CCDC69: variants seen among roughly 807,000 people sequenced by gnomAD.
The protein encoded by CCDC69 is coiled-coil domain-containing protein 69.
A neutral mutation model predicts 40.3 loss-of-function variants in CCDC69; 38 were observed. That is an observed-to-expected ratio of 0.94 (90% CI 0.73 to 1.24). The LOEUF (loss-of-function observed/expected upper bound fraction) is 1.24, where lower values mean the gene tolerates loss of function less well. Ranked by LOEUF, CCDC69 falls within the 50% of genes most tolerant of loss-of-function variation. The pLI is 0.00. For missense variants in CCDC69, 389 were observed against 357.9 expected, an observed-to-expected ratio of 1.09 and a Z score of -0.70; for synonymous variants, 141 against 138.9, an observed-to-expected ratio of 1.02 and a Z score of -0.11.
In CCDC69 at chr5:151,224,002, C is replaced by G. The variant is rs749600357; in HGVS notation, c.-32G>C. The G allele has an allele frequency of 6.5e-7, 1 of 1,543,538 alleles. No homozygotes were observed. Among genetic ancestry groups the G allele is most frequent in the South Asian group, 1.2e-5 (1 of 83,838 alleles). ...CCGGGGGCTCCCGGACGCCGCTTCC[C>G]AACTCCGGGGCCCCCAGAGGAGCCT... On this transcript the variant is annotated 5_prime_UTR_variant, in exon 1 of 9. Coordinates refer to ENST00000355417, the MANE Select transcript of CCDC69 (RefSeq NM_015621.3).
At chr5:151,219,450 G>T (rs1753105282) in intron 1 of CCDC69, among the ~76,000 whole-genome samples, 1 of 152,120 alleles carries the variant, frequency 6.6e-6, no homozygotes, top group Admixed American at 6.6e-5. Context: ...TACCAGGGTA[G>T]GAGTGCAGAC....
At chr5:151,196,179 T>A (rs1485315926) in intron 4 of CCDC69, among the ~76,000 whole-genome samples, 1 of 152,116 alleles carries the variant, frequency 6.6e-6, no homozygotes, top group Non-Finnish European at 1.5e-5. Flanking sequence ...TTAGATGGAG[T>A]CTTGCTCTGT....
intron 1 of CCDC69, among the ~76,000 whole-genome samples, chr5:151,213,868 C>T (rs1752992937): frequency 6.6e-6 from 1 of 152,166 alleles, no homozygotes; most frequent in Non-Finnish European, 1.5e-5. Context: ...CCTCCGTGTC[C>T]CATACATCAC....
At position 151,186,009 on chromosome 5, in the gene CCDC69, G is replaced by C. The variant is rs1752503904; in HGVS notation, c.495+14C>G. 6.3e-7 allele frequency: 1 copy of C among 1,589,652 alleles called. No homozygotes were observed. Among genetic ancestry groups the C allele is most frequent in the South Asian group, 1.1e-5 (1 of 90,568 alleles). On this transcript the variant is annotated intron_variant, in intron 6 of 8. Coordinates refer to ENST00000355417, the MANE Select transcript of CCDC69 (RefSeq NM_015621.3). ...GATTCAAGGAGGAAAAGCGCCCAGG[G>C]TGCTGCCACCTACCTGGATATGTTT...
intron 3 of CCDC69, among the ~76,000 whole-genome samples, chr5:151,200,298 T>C (rs1752759225): frequency 6.6e-6 from 1 of 152,082 alleles, no homozygotes; most frequent in Non-Finnish European, 1.5e-5. Context: ...GCCACCAGGC[T>C]GGGCTAATTT....
intron 5 of CCDC69, among the ~76,000 whole-genome samples, chr5:151,187,104 C>T (rs1752531847): frequency 6.6e-6 from 1 of 152,194 alleles, no homozygotes; most frequent in Non-Finnish European, 1.5e-5. Context: ...CCCTGTGCAT[C>T]CACCCATGAA....
At chr5:151,209,327 G>A (rs1752896160) in intron 1 of CCDC69, among the ~76,000 whole-genome samples, 1 of 152,250 alleles carries the variant, frequency 6.6e-6, no homozygotes, top group Admixed American at 6.5e-5. Context: ...GACCTCTTGG[G>A]CTGCCCCTGG....
intron 2 of CCDC69, among the ~76,000 whole-genome samples, chr5:151,203,561 T>C (rs1293253844): frequency 2.1e-5 from 3 of 144,060 alleles, no homozygotes; most frequent in Non-Finnish European, 4.5e-5. Flanking sequence ...TTAGTAAATA[T>C]ACATATTTAA....
chr5:151,197,547 A>C (rs879459144), intron 4 of CCDC69, among the ~76,000 whole-genome samples: 10 of 152,114 alleles, frequency 6.6e-5, no homozygotes, highest in Non-Finnish European at 1.3e-4. Context: ...ACAAAACAAA[A>C]AAAACAAAAA....
chr5:151,199,841 C>G (rs968583292), intron 3 of CCDC69, among the ~76,000 whole-genome samples: 1 of 152,144 alleles, frequency 6.6e-6, no homozygotes, highest in Non-Finnish European at 1.5e-5. Flanking sequence ...AAACTAAAGA[C>G]CAGCAGCTGC....
At position 151,204,486 on chromosome 5, in the gene CCDC69, T is replaced by C. The variant is rs563870294; in HGVS notation, c.124+914A>G. ...TCCTCCTATTACCAGGTAGCTCTGA[T>C]GATTTTAAATCAACAACCACACAAA... is the stretch of plus-strand genomic sequence containing the variant. On this transcript the variant is annotated intron_variant, in intron 2 of 8. Coordinates refer to ENST00000355417, the MANE Select transcript of CCDC69 (RefSeq NM_015621.3). Among the ~76,000 whole-genome samples the C allele has an allele frequency of 5.3e-5, 8 of 152,356 alleles. No homozygotes were observed. The East Asian group carries it at 1.5e-3, about 29-fold the overall frequency.
chr5:151,222,349 G>A (rs1036642909), intron 1 of CCDC69, among the ~76,000 whole-genome samples: 2 of 152,246 alleles, frequency 1.3e-5, no homozygotes, highest in African/African-American at 4.8e-5. Flanking sequence ...GAAGGAGCAG[G>A]AGCCAAAGAA....
At chr5:151,201,521 T>C in intron 3 of CCDC69, 61 bp downstream of exon 3, 1 of 1,146,320 alleles carries the variant, frequency 8.7e-7, no homozygotes, top group Non-Finnish European at 1.3e-6. Flanking sequence ...GCACTCACTC[T>C]GGGATTCACC....
chr5:151,197,543 C>A (rs1204094892), intron 4 of CCDC69, among the ~76,000 whole-genome samples: 3 of 151,178 alleles, frequency 2.0e-5, no homozygotes, highest in Admixed American at 6.6e-5. Flanking sequence ...ACAAACAAAA[C>A]AAAAAAAACA....
At chr5:151,209,993 C>T (rs115416984) in intron 1 of CCDC69, among the ~76,000 whole-genome samples, 96 of 152,258 alleles carry the variant, frequency 6.3e-4, no homozygotes, top group Middle Eastern at 6.8e-3. Flanking sequence ...GAAAATCTCA[C>T]GACCCAGAGA....
At chr5:151,186,791 G>A (rs1377855726) in intron 5 of CCDC69, among the ~76,000 whole-genome samples, 1 of 152,076 alleles carries the variant, frequency 6.6e-6, no homozygotes, top group Non-Finnish European at 1.5e-5. Flanking sequence ...ACCCCTTAAG[G>A]TGGCTCACTG....
At chr5:151,186,224 A>C in intron 5 of CCDC69, 100 bp from the exon 6 acceptor site, 1 of 814,536 alleles carries the variant, frequency 1.2e-6, no homozygotes, top group Admixed American at 1.8e-5. Context: ...TGGGTTCTTC[A>C]ATCTGTCTTT....
Position 151,183,503 on chromosome 5 carries a change from G to T in CCDC69, c.825C>A (p.Ala275=). The T allele has an allele frequency of 6.2e-7, 1 of 1,608,052 alleles. No individual in the cohort carries two copies. The highest frequency in any genetic ancestry group is 8.5e-7 in the Non-Finnish European group (1 of 1,178,004). Residue 275 remains alanine, a synonymous_variant, in exon 9 of 9, where the codon GCC becomes GCA. Transcript: ENST00000355417. Reference sequence around the variant, plus strand: ...CCAGAGGGAAGGCAGGCGAGGCATTGGCCCCAAGGACCCGGTACAACAGCT... The same window carrying T: ...CCAGAGGGAAGGCAGGCGAGGCATTTGCCCCAAGGACCCGGTACAACAGCT... ...KEELLYRVLG[A]NASPAFPLAP... is the part of the protein sequence containing the mutation.
chr5:151,218,123 T>C (rs1309891142), intron 1 of CCDC69, among the ~76,000 whole-genome samples: 1 of 152,170 alleles, frequency 6.6e-6, no homozygotes, highest in Non-Finnish European at 1.5e-5. Context: ...TTCTGGAAGG[T>C]TCAGATTTGA....
Sources: gnomAD v4.1 joint callset for allele counts (sites outside exome capture counted in the v4.1 genomes callset) on GRCh38, gnomAD v4.1.1 for gene constraint, MANE v1.5 for transcripts, NCBI Gene and HGNC (gene_info 2026-07-23, HGNC 2026-07-21) for gene names.